Variants in DNAJC6 observed in about 807,000 individuals in gnomAD.
DNAJC6 encodes auxilin.
DNAJC6 carries 34 observed loss-of-function variants against 110.0 expected under a neutral mutation model. That is an observed-to-expected ratio of 0.31 (90% CI 0.24 to 0.41). The LOEUF is 0.41. Among genes scored for constraint, DNAJC6 ranks in the 10% least tolerant of loss-of-function variants. The pLI is 1.00. For synonymous variants in DNAJC6, 406 were observed against 437.2 expected (o/e 0.93, Z 0.89); for missense variants, 1,031 against 1,207.8 (o/e 0.85, Z 2.17).
Position 65,401,871 on chromosome 1 carries a change from G to A in DNAJC6, c.2218G>A (p.Gly740Arg), listed in dbSNP as rs146842973. 39 of 1,613,302 alleles carry A rather than the reference G, an allele frequency of 2.4e-5. No homozygotes were observed. Among genetic ancestry groups the A allele is most frequent in the Non-Finnish European group, 3.1e-5 (36 of 1,179,874 alleles). ...PQTLDPFADL[G>R]TLGSSSFASK... The stretch of plus-strand genomic sequence containing the variant: ...GACTCTGGATCCTTTTGCCGACCTT[G>A]GGACACTAGGTACAAACTCAGAAGA... The change falls in exon 15 of 19, where the codon GGG becomes AGG. Residue 740 changes from glycine (G) to arginine (R), a missense_variant. Coordinates refer to ENST00000371069, the MANE Select transcript of DNAJC6 (RefSeq NM_001256864.2).
chr1:65,324,238 A>G (rs1449985499), intron 1 of DNAJC6, among the ~76,000 whole-genome samples: 1 of 151,820 alleles, frequency 6.6e-6, no homozygotes, highest in Non-Finnish European at 1.5e-5. Context: ...TGCAAATAGC[A>G]CGATCTCAAC....
At chr1:65,345,597 T>A (rs1404058695) in intron 1 of DNAJC6, 1 of 948,532 alleles carries the variant, frequency 1.1e-6, no homozygotes, top group African/African-American at 1.8e-5. Flanking sequence ...TTTTCTCTTT[T>A]CCTGGTTCTC....
rs887456930 is a variant in DNAJC6 at position 65,402,893 on chromosome 1, A to G, written c.2227+1013A>G. Among the ~76,000 whole-genome samples, 52 of 152,220 alleles carry G rather than the reference A, an allele frequency of 3.4e-4. 1 individual carries two copies. Among genetic ancestry groups the G allele is most frequent in the South Asian group, 2.1e-4 (1 of 4,830 alleles). On this transcript the variant is annotated intron_variant, in intron 15 of 18. Coordinates refer to ENST00000371069, the MANE Select transcript of DNAJC6 (RefSeq NM_001256864.2). ...ACTGAAAATTTCAAATTTTAAAGTA[A>G]TATTATATCAGATGAAATTTTACTT...
chr1:65,286,351 A>T (rs925157235), intron 1 of DNAJC6, among the ~76,000 whole-genome samples: 98 of 152,094 alleles, frequency 6.4e-4, no homozygotes, highest in African/African-American at 2.3e-3. Context: ...GGCACAATCC[A>T]TCCTCCCACC....
At chr1:65,344,659 A>G (rs866773629) in intron 1 of DNAJC6, among the ~76,000 whole-genome samples, 1 of 152,310 alleles carries the variant, frequency 6.6e-6, no homozygotes. Context: ...TCATGCCAAG[A>G]TTGAGGTCAT....
At chr1:65,411,495 T>C in intron 18 of DNAJC6, 69 bp downstream of exon 18, 1 of 1,476,182 alleles carries the variant, frequency 6.8e-7, no homozygotes, top group Non-Finnish European at 9.2e-7. Flanking sequence ...GTATGTGTTT[T>C]ACTTTAAATG....
chr1:65,313,654 T>C (rs764942686), intron 1 of DNAJC6, among the ~76,000 whole-genome samples: 2 of 152,166 alleles, frequency 1.3e-5, no homozygotes, highest in Admixed American at 6.5e-5. Flanking sequence ...ATGGAAACAT[T>C]TTTATCTACT....
intron 1 of DNAJC6, among the ~76,000 whole-genome samples, chr1:65,268,534 A>T (rs1314745339): frequency 6.6e-6 from 1 of 152,202 alleles, no homozygotes; most frequent in Non-Finnish European, 1.5e-5. Flanking sequence ...GGTAGGTGGT[A>T]TTTTATTCTG....
chr1:65,384,268 G>T lies in DNAJC6; in HGVS notation c.742G>T (p.Ala248Ser), dbSNP rs1410646096. Reference sequence around the variant, plus strand: ...TAATCTCTACTCTACTCCTGGCCCAGCCATTCGATTGCTATATGCAAAGCG... The same window carrying T: ...TAATCTCTACTCTACTCCTGGCCCATCCATTCGATTGCTATATGCAAAGCG... ...FCNLYSTPGP[A>S]IRLLYAKRPG... The change falls in exon 6 of 19, where the codon GCC becomes TCC. Residue 248 changes from alanine to serine, a missense_variant. Coordinates refer to ENST00000371069, the MANE Select transcript of DNAJC6 (RefSeq NM_001256864.2). 6.3e-7 allele frequency: 1 copy of T among 1,588,706 alleles called. No individual in the cohort carries two copies. The highest frequency in any genetic ancestry group is 1.2e-5 in the South Asian group (1 of 86,590).
At position 65,380,916 on chromosome 1, in the gene DNAJC6, G is replaced by GTTTTTTTTTTTTTTTTTTTT. The variant is rs796797174; in HGVS notation, c.666+1396_666+1397insTTTTTTTTTTTTTTTTTTTT. 9.7e-4 allele frequency among the ~76,000 whole-genome samples: 91 copies of GTTTTTTTTTTTTTTTTTTTT among 93,514 alleles called. 19 individuals are homozygous for GTTTTTTTTTTTTTTTTTTTT. The highest frequency in any genetic ancestry group is 5.6e-3 in the African/African-American group (84 of 15,038). 61.3% of individuals were successfully genotyped at this position (93,514 alleles called of 152,430 possible). A position where few individuals can be genotyped will look rare whatever the true frequency, so the allele number is the denominator to read the frequency against. ...TTTTTTTTTTTTTGTTTTTTGTTTT[G>GTTTTTTTTTTTTTTTTTTTT]TTTTGTTTTTTTTTTTTTTTTGGGA... On this transcript the variant is annotated intron_variant, in intron 5 of 18. Transcript: ENST00000371069.
chr1:65,411,180 G>C, intron 17 of DNAJC6, 70 bp from the exon 18 acceptor site: 1 of 1,487,454 alleles, frequency 6.7e-7, no homozygotes, highest in South Asian at 1.4e-5. Context: ...GGGGTTTCTA[G>C]AGTCCTAGTG....
intron 16 of DNAJC6, among the ~76,000 whole-genome samples, chr1:65,408,069 C>A (rs893392353): frequency 1.3e-5 from 2 of 152,158 alleles, no homozygotes; most frequent in Non-Finnish European, 2.9e-5. Flanking sequence ...TAATAAGTAA[C>A]TTGCCTAGAT....
At chr1:65,403,864 CT>C (rs1462372992) in intron 15 of DNAJC6, among the ~76,000 whole-genome samples, 1 of 152,164 alleles carries the variant, frequency 6.6e-6, no homozygotes, top group Admixed American at 6.5e-5. Context: ...TCAGCGTCTG[CT>C]TTTTCACCAC....
At chr1:65,264,971 T>TA (rs1653267722) in intron 1 of DNAJC6, 5 of 1,597,434 alleles carry the variant, frequency 3.1e-6, no homozygotes, top group Non-Finnish European at 4.3e-6. Flanking sequence ...AAGAGAGGGC[T>TA]AAAGGCTAAA....
At chr1:65,266,704 A>G (rs973646964) in intron 1 of DNAJC6, among the ~76,000 whole-genome samples, 1 of 152,034 alleles carries the variant, frequency 6.6e-6, no homozygotes, top group Non-Finnish European at 1.5e-5. Flanking sequence ...GAAAAAAAAA[A>G]TTGCTTATTT....
At chr1:65,406,216 C>A in intron 16 of DNAJC6, 83 bp downstream of exon 16, 1 of 1,510,318 alleles carries the variant, frequency 6.6e-7, no homozygotes, top group Non-Finnish European at 8.9e-7. Flanking sequence ...CTGAAGGTGA[C>A]AGTATTTTCT....
chr1:65,353,791 G>T lies in DNAJC6; in HGVS notation c.194-10844G>T, dbSNP rs539917739. Among the ~76,000 whole-genome samples the T allele has an allele frequency of 4.7e-4, 71 of 152,074 alleles. 1 individual carries two copies. The highest frequency in any genetic ancestry group is 1.7e-3 in the African/African-American group (70 of 41,508). On this transcript the variant is annotated intron_variant, in intron 1 of 18. Transcript: ENST00000371069. Reference sequence around the variant, plus strand: ...CCTTCTTTACAATAAAGCGCATGTTGTATTTCAAGAAATCTCCATCTTTTA... The same window carrying T: ...CCTTCTTTACAATAAAGCGCATGTTTTATTTCAAGAAATCTCCATCTTTTA...
intron 1 of DNAJC6, among the ~76,000 whole-genome samples, chr1:65,325,846 C>T (rs561753488): frequency 6.6e-6 from 1 of 152,208 alleles, no homozygotes; most frequent in Non-Finnish European, 1.5e-5. Flanking sequence ...TCCCAGGCTA[C>T]AAGCCTGTAT....
At chr1:65,395,426 G>T (rs1428127757) in intron 13 of DNAJC6, among the ~76,000 whole-genome samples, 2 of 152,158 alleles carry the variant, frequency 1.3e-5, no homozygotes, top group Admixed American at 6.5e-5. Flanking sequence ...GGGAAAATAT[G>T]TCTTAAATAA....
Sources: allele counts gnomAD v4.1 joint callset (sites outside exome capture counted in the v4.1 genomes callset), GRCh38; gene constraint gnomAD v4.1.1; transcripts MANE v1.5; gene names NCBI Gene and HGNC (gene_info 2026-07-23, HGNC 2026-07-21).